SHISA6: variants seen among roughly 807,000 people sequenced by gnomAD.
SHISA6 encodes protein shisa-6.
Under a neutral mutation model 47.9 loss-of-function variants are expected in SHISA6, and 22 were observed. The observed-to-expected ratio is 0.46, with a 90% CI of 0.33 to 0.66. The LOEUF (loss-of-function observed/expected upper bound fraction) is 0.66, where lower values mean the gene tolerates loss of function less well. Ranked by LOEUF, SHISA6 falls within the 30% of genes least tolerant of loss-of-function variation. The pLI is 0.02. For missense variants in SHISA6, 680 were observed against 764.6 expected, an observed-to-expected ratio of 0.89 and a Z score of 1.30; for synonymous variants, 388 against 337.8, an observed-to-expected ratio of 1.15 and a Z score of -1.63.
At chr17:11,413,656 C>T (rs560520150) in intron 3 of SHISA6, among the ~76,000 whole-genome samples, 3 of 152,234 alleles carry the variant, frequency 2.0e-5, no homozygotes, top group Middle Eastern at 6.8e-3. Context: ...ACCAGGACCA[C>T]GTGCCTCTCA....
intron 3 of SHISA6, among the ~76,000 whole-genome samples, chr17:11,385,641 T>C (rs931951574): frequency 4.0e-5 from 6 of 151,842 alleles, no homozygotes; most frequent in Non-Finnish European, 4.4e-5. Context: ...TTCCAGTAGG[T>C]GAGTGGCTTT....
At chr17:11,516,704 A>G (rs557393351) in intron 3 of SHISA6, among the ~76,000 whole-genome samples, 4 of 152,348 alleles carry the variant, frequency 2.6e-5, no homozygotes, top group African/African-American at 7.2e-5. Flanking sequence ...GCACACTACC[A>G]GTAAATCCAT....
intron 2 of SHISA6, among the ~76,000 whole-genome samples, chr17:11,375,340 T>G (rs1912764873): frequency 6.6e-6 from 1 of 152,190 alleles, no homozygotes; most frequent in South Asian, 2.1e-4. Flanking sequence ...TTTTATCTCT[T>G]TGTCCTTCCC....
intron 3 of SHISA6, among the ~76,000 whole-genome samples, chr17:11,419,053 G>A (rs1192992730): frequency 1.3e-5 from 2 of 151,916 alleles, no homozygotes; most frequent in African/African-American, 4.8e-5. Flanking sequence ...ATCACACACT[G>A]GGGACTGTTG....
intron 3 of SHISA6, among the ~76,000 whole-genome samples, chr17:11,419,506 C>T (rs990019403): frequency 1.3e-5 from 2 of 152,072 alleles, no homozygotes; most frequent in Non-Finnish European, 2.9e-5. Flanking sequence ...GGTTAAATTT[C>T]TGCTGTAGTT....
At chr17:11,358,344 TGTTGTAGTACTTGACA>T (rs1912139457) in intron 2 of SHISA6, among the ~76,000 whole-genome samples, 1 of 152,198 alleles carries the variant, frequency 6.6e-6, no homozygotes, top group Non-Finnish European at 1.5e-5. Context: ...GTTTCATCCA[TGTTGTAGTACTTGACA>T]GGATTCTTTT....
intron 2 of SHISA6, among the ~76,000 whole-genome samples, chr17:11,354,650 C>G (rs1160430426): frequency 3.3e-5 from 5 of 152,164 alleles, no homozygotes; most frequent in Non-Finnish European, 1.5e-5. Flanking sequence ...ACACATCAGC[C>G]AAGGCAGCTG....
intron 3 of SHISA6, among the ~76,000 whole-genome samples, chr17:11,399,733 T>G (rs2142263100): frequency 6.6e-6 from 1 of 152,294 alleles, no homozygotes; most frequent in East Asian, 1.9e-4. Context: ...ATTCCCCATT[T>G]TTTTAGAGTA....
chr17:11,423,332 TAGATAGATAG>T (rs569778219), intron 3 of SHISA6, among the ~76,000 whole-genome samples: 5,940 of 25,942 alleles, frequency 0.23, 224 homozygotes, highest in African/African-American at 0.4. Context: ...TATATATAGA[TAGATAGATAG>T]ATAGATAGAT....
chr17:11,502,728 A>G (rs909064046), intron 3 of SHISA6, among the ~76,000 whole-genome samples: 1 of 152,240 alleles, frequency 6.6e-6, no homozygotes, highest in African/African-American at 2.4e-5. Context: ...CTCCGTCTCA[A>G]AAAAATAAAT....
chr17:11,537,654 C>T (rs1249877442), intron 3 of SHISA6, among the ~76,000 whole-genome samples: 2 of 152,162 alleles, frequency 1.3e-5, no homozygotes, highest in African/African-American at 4.8e-5. Context: ...GAAGGAAGCT[C>T]AGATAAGCAA....
intron 3 of SHISA6, among the ~76,000 whole-genome samples, chr17:11,454,031 G>C (rs979909373): frequency 2.6e-5 from 4 of 152,310 alleles, no homozygotes; most frequent in Middle Eastern, 3.4e-3. Flanking sequence ...CCTATGGTAT[G>C]TTTATGTTTA....
intron 1 of SHISA6, among the ~76,000 whole-genome samples, chr17:11,251,423 G>GA (rs141844888): frequency 0.01 from 1,488 of 143,606 alleles, 30 homozygotes; most frequent in African/African-American, 0.03. Flanking sequence ...TTTTAATTGA[G>GA]AAAAAAAAAA....
rs1176897275 is a variant in SHISA6, at chr17:11,551,908, A to G, written c.908A>G (p.Tyr303Cys). The change falls in exon 4 of 6, where the codon TAT becomes TGT. Residue 303 changes from tyrosine to cysteine, a missense_variant. Coordinates refer to ENST00000441885, the MANE Select transcript of SHISA6 (RefSeq NM_207386.4). Reference sequence around the variant, plus strand: ...CTATGATTTTCAGGTGATCATCAATATAACCATCCGATTTTGAGCAGTGTT... The same window carrying G: ...CTATGATTTTCAGGTGATCATCAATGTAACCATCCGATTTTGAGCAGTGTT... ...GRGHTKGDHQ[Y>C]NHPILSSVTQ... is the part of the protein sequence containing the mutation. The G allele has an allele frequency of 6.4e-6, 10 of 1,551,706 alleles. No individual in the cohort carries two copies. The highest frequency in any genetic ancestry group is 7.0e-6 in the Non-Finnish European group (8 of 1,146,974).
rs937270105 is a variant in SHISA6 at position 11,241,611 on chromosome 17, G to C, written c.189G>C (p.Arg63=). 26 of 1,309,200 alleles carry C rather than the reference G, an allele frequency of 2.0e-5. No individual in the cohort carries two copies. The highest frequency in any genetic ancestry group is 2.4e-5 in the Non-Finnish European group (25 of 1,038,326). 81.1% of individuals were successfully genotyped at this position (1,309,200 alleles called of 1,614,324 possible). A position where few individuals can be genotyped will look rare whatever the true frequency, so the allele number is the denominator to read the frequency against. Residue 63 remains arginine, a synonymous_variant, in exon 1 of 6, where the codon CGG becomes CGC. Coordinates refer to ENST00000441885, the MANE Select transcript of SHISA6 (RefSeq NM_207386.4). The surrounding 1 kb of genome is among the most constrained non-coding windows in gnomAD (Gnocchi z 5.5). ...GCCGCGAGCTGAACGGCACCGCCCG[G>C]GCGCCCGGAATCCCGGAGGCGGGAA... is the stretch of plus-strand genomic sequence containing the variant. ...RGGRELNGTA[R]APGIPEAGSR...
chr17:11,502,408 C>CAA (rs33980148), intron 3 of SHISA6, among the ~76,000 whole-genome samples: 13,731 of 33,622 alleles, frequency 0.41, 2,936 homozygotes, highest in East Asian at 0.54. Context: ...GACTCCGTCT[C>CAA]AAAAAAAAAA....
chr17:11,411,712 A>C (rs1257785631), intron 3 of SHISA6, among the ~76,000 whole-genome samples: 1 of 152,092 alleles, frequency 6.6e-6, no homozygotes, highest in Non-Finnish European at 1.5e-5. Flanking sequence ...AATCACTTCT[A>C]ATTCACTGAG....
chr17:11,357,951 C>T (rs921228030), intron 2 of SHISA6, among the ~76,000 whole-genome samples: 1 of 152,090 alleles, frequency 6.6e-6, no homozygotes, highest in Non-Finnish European at 1.5e-5. Flanking sequence ...GGTTTGTCTT[C>T]CCCTAAGGAA....
chr17:11,260,298 A>G (rs1043210936), intron 1 of SHISA6, among the ~76,000 whole-genome samples: 2 of 152,154 alleles, frequency 1.3e-5, no homozygotes, highest in African/African-American at 4.8e-5. Flanking sequence ...TTTGTTTGAT[A>G]TATCAGATAT....
Sources: gnomAD v4.1 joint callset for allele counts (sites outside exome capture counted in the v4.1 genomes callset) on GRCh38, gnomAD v4.1.1 for gene constraint, Gnocchi (gnomAD v3.1) non-coding constraint, MANE v1.5 for transcripts, NCBI Gene and HGNC (gene_info 2026-07-23, HGNC 2026-07-21) for gene names.